Variants in REDIC1 observed in about 807,000 individuals in gnomAD.
REDIC1 encodes regulator of DNA class I crossover intermediates 1.
At chr12:39,862,045 A>G in the REDIC1 span, among the ~76,000 whole-genome samples, 2 of 152,116 alleles carry the variant, frequency 1.3e-5, no homozygotes, top group Non-Finnish European at 2.9e-5. Context: ...ACTGCCCCCT[A>G]ACAGGCGCCA....
chr12:39,667,826 T>C, the REDIC1 span, among the ~76,000 whole-genome samples: 11 of 152,344 alleles, frequency 7.2e-5, no homozygotes, highest in South Asian at 2.3e-3. Flanking sequence ...TGTAATGGCC[T>C]TCTTTGTCTC....
the REDIC1 span, among the ~76,000 whole-genome samples, chr12:39,785,920 C>T: frequency 6.6e-6 from 1 of 152,142 alleles, no homozygotes; most frequent in Non-Finnish European, 1.5e-5. Context: ...TACCCAATAC[C>T]TGTATCCTCA....
At chr12:39,710,506 T>G in the REDIC1 span, among the ~76,000 whole-genome samples, 16 of 151,914 alleles carry the variant, frequency 1.1e-4, no homozygotes, top group East Asian at 3.1e-3. Flanking sequence ...TAATTCATCC[T>G]TAGGTGACAT....
chr12:39,700,357 G>C, the REDIC1 span, among the ~76,000 whole-genome samples: 1 of 152,148 alleles, frequency 6.6e-6, no homozygotes, highest in South Asian at 2.1e-4. Flanking sequence ...AAGATGAAAT[G>C]AAATGAAGCG....
chr12:39,805,050 C>CTGCTGGAGGGAGAAGCT, the REDIC1 span, among the ~76,000 whole-genome samples: 1 of 151,448 alleles, frequency 6.6e-6, no homozygotes, highest in South Asian at 2.1e-4. Context: ...AGGGAGAAGC[C>CTGCTGGAGGGAGAAGCT]TGCTGGAGAG....
chr12:39,639,276 T>C, the REDIC1 span, among the ~76,000 whole-genome samples: 1 of 151,982 alleles, frequency 6.6e-6, no homozygotes, highest in African/African-American at 2.4e-5. Context: ...TAGGGTTCTT[T>C]GCTCAATGAG....
At chr12:39,908,145 G>C in the REDIC1 span, 1 of 152,090 alleles carries the variant, frequency 6.6e-6, no homozygotes, top group African/African-American at 2.4e-5. Context: ...GACAGAAAAA[G>C]CTGCATGATA....
the REDIC1 span, among the ~76,000 whole-genome samples, chr12:39,809,790 G>T: frequency 6.6e-6 from 1 of 152,124 alleles, no homozygotes; most frequent in Non-Finnish European, 1.5e-5. Flanking sequence ...AGTTTGCTGA[G>T]AATGATGGTT....
the REDIC1 span, among the ~76,000 whole-genome samples, chr12:39,857,828 C>G: frequency 2.6e-5 from 4 of 152,188 alleles, no homozygotes; most frequent in Non-Finnish European, 1.5e-5. Context: ...GCCATACTCC[C>G]TGCTTAGGAC....
chr12:39,790,112 G>T, the REDIC1 span, among the ~76,000 whole-genome samples: 1 of 149,886 alleles, frequency 6.7e-6, no homozygotes, highest in East Asian at 1.9e-4. Context: ...AAGATTCTGT[G>T]CATTCTTTTG....
At chr12:39,668,131 CT>C in the REDIC1 span, among the ~76,000 whole-genome samples, 1 of 151,216 alleles carries the variant, frequency 6.6e-6, no homozygotes, top group Non-Finnish European at 1.5e-5. Context: ...TGTTATTTTG[CT>C]TGTTAGTTGA....
At chr12:39,748,592 C>T in the REDIC1 span, among the ~76,000 whole-genome samples, 1 of 152,182 alleles carries the variant, frequency 6.6e-6, no homozygotes, top group Non-Finnish European at 1.5e-5. Flanking sequence ...ACAGAACTCT[C>T]CACCCCAAAT....
At chr12:39,840,108 T>G in the REDIC1 span, among the ~76,000 whole-genome samples, 1 of 152,094 alleles carries the variant, frequency 6.6e-6, no homozygotes, top group East Asian at 1.9e-4. Context: ...CTTGGCTCAC[T>G]GCAACCTCCG....
the REDIC1 span, among the ~76,000 whole-genome samples, chr12:39,669,912 A>T: frequency 6.6e-6 from 1 of 152,180 alleles, no homozygotes; most frequent in African/African-American, 2.4e-5. Flanking sequence ...GCACAGTATT[A>T]GGGTGGGAGT....
the REDIC1 span, among the ~76,000 whole-genome samples, chr12:39,769,391 T>C: frequency 6.6e-6 from 1 of 152,106 alleles, no homozygotes; most frequent in Non-Finnish European, 1.5e-5. Flanking sequence ...ACTTGATACA[T>C]TTGAATCTGA....
At chr12:39,710,330 T>C in the REDIC1 span, among the ~76,000 whole-genome samples, 1 of 151,890 alleles carries the variant, frequency 6.6e-6, no homozygotes, top group Non-Finnish European at 1.5e-5. Context: ...GTTTTAAATG[T>C]ACATACAGGC....
the REDIC1 span, among the ~76,000 whole-genome samples, chr12:39,815,509 A>G: frequency 6.6e-6 from 1 of 152,204 alleles, no homozygotes; most frequent in African/African-American, 2.4e-5. Context: ...ATTCACATGC[A>G]CTGAGAGATT....
the REDIC1 span, among the ~76,000 whole-genome samples, chr12:39,825,195 C>G: frequency 6.6e-6 from 1 of 152,112 alleles, no homozygotes; most frequent in African/African-American, 2.4e-5. Context: ...AAGTGTCCCT[C>G]ATTAGCAATA....
chr12:39,777,678 A>G, the REDIC1 span, among the ~76,000 whole-genome samples: 2 of 152,144 alleles, frequency 1.3e-5, no homozygotes, highest in African/African-American at 2.4e-5. Flanking sequence ...AAGCACATCA[A>G]TGGAGGCACA....
Sources: allele counts gnomAD v4.1 joint callset (sites outside exome capture counted in the v4.1 genomes callset), GRCh38; gene constraint gnomAD v4.1.1; transcripts MANE v1.5; gene names NCBI Gene and HGNC (gene_info 2026-07-23, HGNC 2026-07-21).